The following PRKAR2A variants were observed in gnomAD, a reference collection of about 807,000 sequenced individuals.
The protein encoded by PRKAR2A is cAMP-dependent protein kinase type II-alpha regulatory subunit.
A neutral mutation model predicts 51.9 loss-of-function variants in PRKAR2A; 29 were observed. The observed-to-expected ratio is 0.56, with a 90% CI of 0.42 to 0.76. The LOEUF is 0.76. Among genes scored for constraint, PRKAR2A ranks in the 30% least tolerant of loss-of-function variants. PRKAR2A has a pLI of 0.00. For synonymous variants in PRKAR2A, 178 were observed against 186.2 expected, an observed-to-expected ratio of 0.96 and a Z score of 0.36; for missense variants, 445 against 512.1, an observed-to-expected ratio of 0.87 and a Z score of 1.26.
At chr3:48,827,864 ATT>A (rs551221162) in intron 1 of PRKAR2A, among the ~76,000 whole-genome samples, 3 of 151,248 alleles carry the variant, frequency 2.0e-5, no homozygotes, top group Non-Finnish European at 4.4e-5. Context: ...ATAAACCTTA[ATT>A]TTTTTTTGTT....
chr3:48,757,592 T>C (rs144679476), intron 8 of PRKAR2A, among the ~76,000 whole-genome samples: 4 of 152,316 alleles, frequency 2.6e-5, no homozygotes, highest in Admixed American at 6.5e-5. Flanking sequence ...GTAGCTAAAA[T>C]AGAAACAAAC....
chr3:48,842,874 T>C (rs892186846), intron 1 of PRKAR2A, among the ~76,000 whole-genome samples: 1 of 152,218 alleles, frequency 6.6e-6, no homozygotes, highest in African/African-American at 2.4e-5. Context: ...TCTAAAACTC[T>C]CTTTTTTGGT....
intron 8 of PRKAR2A, among the ~76,000 whole-genome samples, chr3:48,762,160 C>T (rs1438429435): frequency 6.6e-6 from 1 of 152,076 alleles, no homozygotes; most frequent in Non-Finnish European, 1.5e-5. Context: ...AGGTGCACAC[C>T]TATAATCCCA....
chr3:48,820,778 G>T (rs2082948075), intron 1 of PRKAR2A, among the ~76,000 whole-genome samples: 1 of 152,142 alleles, frequency 6.6e-6, no homozygotes. Flanking sequence ...AACAAGAAGG[G>T]GAGGACAGCA....
chr3:48,833,445 C>A (rs2083227641), intron 1 of PRKAR2A, among the ~76,000 whole-genome samples: 1 of 152,114 alleles, frequency 6.6e-6, no homozygotes. Flanking sequence ...CAGAGGCTCA[C>A]CCCTGTAATC....
chr3:48,757,501 T>C (rs1371704556), intron 8 of PRKAR2A, among the ~76,000 whole-genome samples: 1 of 152,232 alleles, frequency 6.6e-6, no homozygotes, highest in African/African-American at 2.4e-5. Context: ...TGGAATCATA[T>C]ATTTTTTGTA....
chr3:48,838,733 C>T (rs1248803051), intron 1 of PRKAR2A, among the ~76,000 whole-genome samples: 1 of 152,032 alleles, frequency 6.6e-6, no homozygotes, highest in African/African-American at 2.4e-5. Flanking sequence ...AATCTCAGCA[C>T]TTTGGGAGGC....
intron 1 of PRKAR2A, among the ~76,000 whole-genome samples, chr3:48,826,167 G>A (rs1338118595): frequency 6.6e-6 from 1 of 152,164 alleles, no homozygotes; most frequent in Non-Finnish European, 1.5e-5. Flanking sequence ...TAGGGAGGCT[G>A]AGGTAGGAGG....
At chr3:48,755,818 G>A (rs1447902266) in intron 9 of PRKAR2A, among the ~76,000 whole-genome samples, 10 of 130,178 alleles carry the variant, frequency 7.7e-5, no homozygotes, top group East Asian at 6.8e-4. Context: ...TCGCTCTGTC[G>A]CCCAGGCTGG....
chr3:48,774,538 T>C (rs2082077799), intron 5 of PRKAR2A, among the ~76,000 whole-genome samples: 1 of 152,150 alleles, frequency 6.6e-6, no homozygotes, highest in African/African-American at 2.4e-5. Context: ...TTATTTCTTC[T>C]ATCTAACTGT....
chr3:48,754,233 A>G (rs1008510000), intron 9 of PRKAR2A, among the ~76,000 whole-genome samples: 2 of 138,518 alleles, frequency 1.4e-5, no homozygotes, highest in African/African-American at 2.7e-5. Context: ...CAACAGATCT[A>G]CTTTTTTCTT....
chr3:48,805,157 C>T (rs925250191), intron 2 of PRKAR2A, among the ~76,000 whole-genome samples: 5 of 152,238 alleles, frequency 3.3e-5, no homozygotes, highest in South Asian at 2.1e-4. Flanking sequence ...AAGCAATTCT[C>T]GCACCTCAGT....
Position 48,847,389 on chromosome 3 carries a change from G to A in PRKAR2A, c.208C>T (p.Arg70Cys). 6.2e-7 allele frequency: 1 copy of A among 1,611,584 alleles called. No individual in the cohort carries two copies. Residue 70 changes from arginine (R) to cysteine (C), a missense_variant, in exon 1 of 11, where the codon CGT becomes TGT. Coordinates refer to ENST00000265563, the MANE Select transcript of PRKAR2A (RefSeq NM_004157.4). This position sits in a 1 kb window ranked among gnomAD's most constrained non-coding sequence, Gnocchi z 4.4. Reference sequence around the variant, plus strand: ...CTGTCCCCTTTGGCGTCGGCGACACGGTCCGGGCCGGGTTCTGGCGGGGGG... The same window carrying A: ...CTGTCCCCTTTGGCGTCGGCGACACAGTCCGGGCCGGGTTCTGGCGGGGGG... ...GHPPPEPGPD[R>C]VADAKGDSES...
chr3:48,752,140 G>A, intron 10 of PRKAR2A, 36 bp downstream of exon 10: 2 of 1,590,622 alleles, frequency 1.3e-6, no homozygotes, highest in Non-Finnish European at 1.7e-6. Flanking sequence ...TTACATGTTA[G>A]AAAAAGAATA....
intron 3 of PRKAR2A, among the ~76,000 whole-genome samples, chr3:48,791,410 C>T (rs1294109919): frequency 7.0e-6 from 1 of 143,006 alleles, no homozygotes; most frequent in African/African-American, 2.6e-5. Flanking sequence ...GCCTGACCAA[C>T]ATGGATAAAC....
At chr3:48,809,796 A>G (rs1435699313) in intron 1 of PRKAR2A, among the ~76,000 whole-genome samples, 1 of 152,072 alleles carries the variant, frequency 6.6e-6, no homozygotes, top group Non-Finnish European at 1.5e-5. Context: ...AGAGTTACAG[A>G]GTATCTGTGA....
At chr3:48,810,687 G>A (rs1698031422) in intron 1 of PRKAR2A, among the ~76,000 whole-genome samples, 1 of 152,088 alleles carries the variant, frequency 6.6e-6, no homozygotes, top group Non-Finnish European at 1.5e-5. Flanking sequence ...ACAAAGGGCT[G>A]ACAGTAAATA....
intron 1 of PRKAR2A, among the ~76,000 whole-genome samples, chr3:48,815,933 C>T (rs184766715): frequency 4.7e-5 from 7 of 149,508 alleles, no homozygotes; most frequent in African/African-American, 9.8e-5. Context: ...GCAGGAGAAT[C>T]GCTTGAACCC....
chr3:48,746,043 G>A (rs1011955677), downstream of PRKAR2A, among the ~76,000 whole-genome samples: 1 of 152,032 alleles, frequency 6.6e-6, no homozygotes, highest in Non-Finnish European at 1.5e-5. Context: ...TTCTTCCTGG[G>A]TCTTGAGCCT....
Sources: gnomAD v4.1 joint callset for allele counts (sites outside exome capture counted in the v4.1 genomes callset) on GRCh38, gnomAD v4.1.1 for gene constraint, Gnocchi (gnomAD v3.1) non-coding constraint, MANE v1.5 for transcripts, NCBI Gene and HGNC (gene_info 2026-07-23, HGNC 2026-07-21) for gene names.